WDR19: variants seen among roughly 807,000 people sequenced by gnomAD.
The protein encoded by WDR19 is WD repeat-containing protein 19.
Under a neutral mutation model 180.0 loss-of-function variants are expected in WDR19, and 121 were observed. That is an observed-to-expected ratio of 0.67 (90% CI 0.58 to 0.78). The LOEUF (loss-of-function observed/expected upper bound fraction) is 0.78, where lower values mean the gene tolerates loss of function less well. Ranked by LOEUF, WDR19 falls within the 30% of genes least tolerant of loss-of-function variation. The probability of loss-of-function intolerance (pLI) is 0.00; values close to 1 mark genes in which losing one functional copy is unlikely to be tolerated. For missense variants in WDR19, 1,450 were observed against 1,640.7 expected (o/e 0.88, Z 2.01); for synonymous variants, 497 against 540.7 (o/e 0.92, Z 1.12).
At chr4:39,249,590 A>T (rs1222392479) in intron 24 of WDR19, among the ~76,000 whole-genome samples, 1 of 152,250 alleles carries the variant, frequency 6.6e-6, no homozygotes, top group African/African-American at 2.4e-5. Context: ...AAATTGATAG[A>T]CCACTAGCAA....
chr4:39,222,062 G>A (rs1268451127), intron 14 of WDR19, among the ~76,000 whole-genome samples: 3 of 152,132 alleles, frequency 2.0e-5, no homozygotes, highest in Non-Finnish European at 4.4e-5. Flanking sequence ...GAGTGTTCCA[G>A]TTCCTCTCTG....
chr4:39,247,690 A>G (rs1732680342), intron 24 of WDR19, among the ~76,000 whole-genome samples: 1 of 152,264 alleles, frequency 6.6e-6, no homozygotes, highest in Non-Finnish European at 1.5e-5. Context: ...CCATGGCACA[A>G]GAATTACGCG....
chr4:39,217,978 T>C lies in WDR19; in HGVS notation c.1357-5T>C. ...TGTGAGCCATTATTATTCTTTACGT[T>C]TTAGATAGAAAGCGAAATCTTGGAT... On this transcript the variant is annotated splice_polypyrimidine_tract_variant and splice_region_variant and intron_variant, in intron 13 of 36. Transcript: ENST00000399820. 1 of 1,613,546 alleles carries C rather than the reference T, an allele frequency of 6.2e-7. No homozygotes were observed. Among genetic ancestry groups the C allele is most frequent in the Admixed American group, 1.7e-5 (1 of 59,928 alleles).
chr4:39,219,456 G>T (rs1729431979), intron 14 of WDR19, among the ~76,000 whole-genome samples: 1 of 152,194 alleles, frequency 6.6e-6, no homozygotes, highest in African/African-American at 2.4e-5. Flanking sequence ...CACACAGGTG[G>T]CATGATTTGT....
At chr4:39,261,101 C>T (rs1734245444) in intron 28 of WDR19, among the ~76,000 whole-genome samples, 1 of 151,170 alleles carries the variant, frequency 6.6e-6, no homozygotes, top group Admixed American at 6.6e-5. Flanking sequence ...TCAAGTGATT[C>T]TCCTGCCTCA....
intron 1 of WDR19, among the ~76,000 whole-genome samples, chr4:39,184,008 T>C (rs548966600): frequency 6.6e-6 from 1 of 152,316 alleles, no homozygotes; most frequent in South Asian, 2.1e-4. Flanking sequence ...TGCTTTTAAA[T>C]ATTCTTTCTT....
rs1727841862 is a variant in WDR19, at chr4:39,205,400, G to A, written c.716+134G>A. ...CGTCACATTTTCTGATTCATGGTCTGTGATTTAGTATGCAAAACTACCTAG... is the reference window on the plus strand; with the variant it reads ...CGTCACATTTTCTGATTCATGGTCTATGATTTAGTATGCAAAACTACCTAG... On this transcript the variant is annotated intron_variant, in intron 8 of 36. Transcript: ENST00000399820. The A allele has an allele frequency of 4.2e-6, 5 of 1,179,558 alleles. No individual in the cohort carries two copies. In the Admixed American group the frequency reaches 1.3e-4, roughly 30 times the overall value. The allele number at this position is 1,179,558 out of a possible 1,614,324, so 73.1% of individuals were successfully genotyped here.
chr4:39,235,965 T>C (rs774238410), intron 20 of WDR19, among the ~76,000 whole-genome samples: 1 of 152,232 alleles, frequency 6.6e-6, no homozygotes, highest in South Asian at 2.1e-4. Flanking sequence ...ATAGCTATTA[T>C]TAAAAAGTCT....
intron 12 of WDR19, 55 bp from the exon 13 acceptor site, chr4:39,217,079 G>A: frequency 8.1e-7 from 1 of 1,238,470 alleles, no homozygotes; most frequent in Non-Finnish European, 1.1e-6. Context: ...TTGCAAGTAG[G>A]TATGAGATAG....
chr4:39,234,096 A>G lies in WDR19; in HGVS notation c.2254-670A>G, dbSNP rs375355754. Among the ~76,000 whole-genome samples, 45 of 152,336 alleles carry G rather than the reference A, an allele frequency of 3.0e-4. No individual in the cohort carries two copies. The East Asian group carries it at 8.3e-3, about 28-fold the overall frequency. On this transcript the variant is annotated intron_variant, in intron 19 of 36. Transcript: ENST00000399820. ...TACAAGAAAGTATTAATAAATTGCAAAAGGGTAGTTGTGAAAGATAAATAA... is the reference window on the plus strand; with the variant it reads ...TACAAGAAAGTATTAATAAATTGCAGAAGGGTAGTTGTGAAAGATAAATAA...
rs747244934 is a variant in WDR19, at chr4:39,244,306, T to G, written c.2480T>G (p.Ile827Arg). Reference sequence around the variant, plus strand: ...CAGATGTCCATAAGAATGGGAGACATACGTCGAGGGGTTAACCAAGCCCTC... The same window carrying G: ...CAGATGTCCATAAGAATGGGAGACAGACGTCGAGGGGTTAACCAAGCCCTC... ...VAQMSIRMGDIRRGVNQALKH... is the reference protein window; with the variant it reads ...VAQMSIRMGDRRRGVNQALKH... Residue 827 changes from isoleucine (I) to arginine (R), a missense_variant, in exon 22 of 37, where the codon ATA becomes AGA. Ile to Arg is a moderately conservative substitution (Grantham distance 97, BLOSUM62 -3). Transcript: ENST00000399820. The G allele has an allele frequency of 1.9e-6, 3 of 1,613,944 alleles. No individual in the cohort carries two copies. Among genetic ancestry groups the G allele is most frequent in the South Asian group, 2.2e-5 (2 of 91,078 alleles).
intron 1 of WDR19, 95 bp downstream of exon 1, chr4:39,182,658 G>A: frequency 6.4e-7 from 1 of 1,551,282 alleles, no homozygotes; most frequent in Middle Eastern, 1.7e-4. Context: ...TCTCCCTTCT[G>A]AGTTCGTTGG....
chr4:39,213,945 A>C (rs1295856264), intron 9 of WDR19, among the ~76,000 whole-genome samples: 3 of 152,196 alleles, frequency 2.0e-5, no homozygotes, highest in African/African-American at 7.2e-5. Context: ...GAAAATAATG[A>C]GGGAAAAAAG....
intron 36 of WDR19, among the ~76,000 whole-genome samples, chr4:39,282,405 G>A (rs186856616): frequency 9.8e-4 from 149 of 152,008 alleles, no homozygotes; most frequent in African/African-American, 3.4e-3. Context: ...AGGGTTTTTT[G>A]TTTGTTTTTG....
chr4:39,278,010 T>A (rs988649731), intron 34 of WDR19, 121 bp from the exon 35 acceptor site: 3 of 783,912 alleles, frequency 3.8e-6, no homozygotes, highest in Non-Finnish European at 6.3e-6. Flanking sequence ...GCCAACAATG[T>A]GCCACTGCAC....
chr4:39,197,727 C>T (rs1726918330), intron 5 of WDR19, among the ~76,000 whole-genome samples: 1 of 152,154 alleles, frequency 6.6e-6, no homozygotes, highest in South Asian at 2.1e-4. Flanking sequence ...TAGTGGCTAT[C>T]TGATGTTACT....
In WDR19 at chr4:39,255,854, A is replaced by G. The variant is rs201354264; in HGVS notation, c.3008A>G (p.Glu1003Gly). The change falls in exon 27 of 37, where the codon GAA becomes GGA. Residue 1003 changes from glutamate to glycine, a missense_variant. Coordinates refer to ENST00000399820, the MANE Select transcript of WDR19 (RefSeq NM_025132.4). ...MEIYADIIGS[E>G]DTTNEDYQSI... ...CAGTAAACTTCTGTTACAGGTTCTGAAGACACTACTAATGAAGACTATCAA... is the reference window on the plus strand; with the variant it reads ...CAGTAAACTTCTGTTACAGGTTCTGGAGACACTACTAATGAAGACTATCAA... 9.6e-4 allele frequency: 1,518 copies of G among 1,583,332 alleles called. 10 individuals carry two copies. The highest frequency in any genetic ancestry group is 7.0e-3 in the Middle Eastern group (42 of 5,978).
intron 28 of WDR19, among the ~76,000 whole-genome samples, chr4:39,261,489 A>G (rs1436491237): frequency 6.6e-6 from 1 of 152,224 alleles, no homozygotes; most frequent in Non-Finnish European, 1.5e-5. Context: ...CTTGCCTTTA[A>G]TTAATAAGTC....
At chr4:39,198,453 G>A (rs1283695883) in intron 5 of WDR19, among the ~76,000 whole-genome samples, 9 of 152,120 alleles carry the variant, frequency 5.9e-5, no homozygotes, top group Admixed American at 3.3e-4. Context: ...CCCTGCTACT[G>A]GGGAGGCTGA....
Sources: allele counts gnomAD v4.1 joint callset (sites outside exome capture counted in the v4.1 genomes callset), GRCh38; gene constraint gnomAD v4.1.1; transcripts MANE v1.5; gene names NCBI Gene and HGNC (gene_info 2026-07-23, HGNC 2026-07-21).